XIRP2: variants seen among roughly 807,000 people sequenced by gnomAD.
The protein encoded by XIRP2 is xin actin-binding repeat-containing protein 2.
A neutral mutation model predicts 277.0 loss-of-function variants in XIRP2; 236 were observed. The observed-to-expected ratio is 0.85, with a 90% CI of 0.77 to 0.95. The LOEUF is 0.95. Ranked by LOEUF, XIRP2 falls within the 40% of genes least tolerant of loss-of-function variation. The pLI is 0.00. For synonymous variants in XIRP2, 1,490 were observed against 1,416.5 expected (o/e 1.05, Z -1.17); for missense variants, 4,640 against 4,157.5 (o/e 1.12, Z -3.19).
At chr2:167,109,795 T>C (rs1304609710) in intron 2 of XIRP2, among the ~76,000 whole-genome samples, 2 of 152,186 alleles carry the variant, frequency 1.3e-5, no homozygotes, top group African/African-American at 4.8e-5. Flanking sequence ...TCACCAGCAG[T>C]GTGTAAGCAT....
At chr2:167,159,010 G>T (rs1003381798) in intron 3 of XIRP2, among the ~76,000 whole-genome samples, 1 of 152,136 alleles carries the variant, frequency 6.6e-6, no homozygotes, top group East Asian at 1.9e-4. Flanking sequence ...AATGAATCTG[G>T]AAATAGGCCC....
At chr2:166,916,517 T>G (rs1252330660) in intron 2 of XIRP2, among the ~76,000 whole-genome samples, 1 of 152,014 alleles carries the variant, frequency 6.6e-6, no homozygotes, top group Non-Finnish European at 1.5e-5. Context: ...CTCTCAAAAA[T>G]ATATAGAAAA....
intron 5 of XIRP2, among the ~76,000 whole-genome samples, chr2:167,223,063 T>A (rs183744641): frequency 6.6e-6 from 1 of 152,312 alleles, no homozygotes; most frequent in African/African-American, 2.4e-5. Context: ...ACTTTCTTTG[T>A]GGCCACATTC....
At chr2:167,217,497 G>T (rs1003312241) in intron 4 of XIRP2, among the ~76,000 whole-genome samples, 2 of 151,972 alleles carry the variant, frequency 1.3e-5, no homozygotes, top group Non-Finnish European at 2.9e-5. Flanking sequence ...TGAAATTCCA[G>T]GGCCAGCACT....
intron 2 of XIRP2, among the ~76,000 whole-genome samples, chr2:167,087,536 C>T (rs1158645246): frequency 6.6e-6 from 1 of 152,196 alleles, no homozygotes; most frequent in Admixed American, 6.5e-5. Context: ...TGCCCCTCAC[C>T]CTGCCTCGCT....
At chr2:167,051,208 A>G (rs971252258) in intron 2 of XIRP2, among the ~76,000 whole-genome samples, 1 of 152,114 alleles carries the variant, frequency 6.6e-6, no homozygotes, top group Non-Finnish European at 1.5e-5. Context: ...CACACTAGAC[A>G]GAGACAATCA....
intron 3 of XIRP2, among the ~76,000 whole-genome samples, chr2:167,143,942 A>C (rs1370404718): frequency 6.6e-6 from 1 of 152,106 alleles, no homozygotes; most frequent in Non-Finnish European, 1.5e-5. Flanking sequence ...ATGTATTTTT[A>C]TTTTCAAGAG....
intron 4 of XIRP2, among the ~76,000 whole-genome samples, chr2:167,211,967 CAGAG>C (rs1426878429): frequency 6.6e-6 from 1 of 151,790 alleles, no homozygotes; most frequent in Non-Finnish European, 1.5e-5. Context: ...GAGAGGGAGA[CAGAG>C]AAAGAGAGAG....
chr2:166,972,742 T>C (rs1686613872), intron 2 of XIRP2, among the ~76,000 whole-genome samples: 1 of 152,192 alleles, frequency 6.6e-6, no homozygotes, highest in Non-Finnish European at 1.5e-5. Flanking sequence ...GGCACCCTTA[T>C]TGGGAGTAGA....
intron 3 of XIRP2, among the ~76,000 whole-genome samples, chr2:167,171,364 T>C (rs1296731238): frequency 6.6e-6 from 1 of 152,190 alleles, no homozygotes; most frequent in African/African-American, 2.4e-5. Context: ...TTGAAATGGG[T>C]TGTTTTATTT....
intron 2 of XIRP2, among the ~76,000 whole-genome samples, chr2:167,003,624 T>G (rs893101833): frequency 6.6e-6 from 1 of 151,848 alleles, no homozygotes; most frequent in African/African-American, 2.4e-5. Flanking sequence ...AAAATATTTT[T>G]GAGTAATTGG....
intron 2 of XIRP2, among the ~76,000 whole-genome samples, chr2:166,926,035 C>T (rs558339345): frequency 2.0e-5 from 3 of 152,046 alleles, no homozygotes; most frequent in African/African-American, 7.2e-5. Context: ...AATGGTGCTA[C>T]TGTACTGCAG....
chr2:166,907,762 C>G (rs574608186), intron 2 of XIRP2, among the ~76,000 whole-genome samples: 1 of 116,590 alleles, frequency 8.6e-6, no homozygotes, highest in Non-Finnish European at 1.7e-5. Flanking sequence ...ATCCCTCCCC[C>G]CCTCCCCCCA....
At chr2:167,024,724 G>A (rs1483209207) in intron 2 of XIRP2, among the ~76,000 whole-genome samples, 1 of 152,118 alleles carries the variant, frequency 6.6e-6, no homozygotes, top group East Asian at 1.9e-4. Context: ...TGTGGTTTTT[G>A]TCTTTGGTTC....
At position 167,259,258 on chromosome 2, in the gene XIRP2, T is replaced by TC; in HGVS notation, c.*1441_*1442insC. 1 of 1,613,392 alleles carries TC rather than the reference T, an allele frequency of 6.2e-7. No individual in the cohort carries two copies. The highest frequency in any genetic ancestry group is 8.5e-7 in the Non-Finnish European group (1 of 1,179,612). On this transcript the variant is annotated 3_prime_UTR_variant, in exon 11 of 11. Transcript: ENST00000409195. ...ACACAGGTTTTGATGCTCTGAGCCA[T>TC]GAATGTACAGCTAAGCCTTTGTTTC... is the stretch of plus-strand genomic sequence containing the variant.
Position 167,248,125 on chromosome 2 carries a change from G to C in XIRP2, c.6733G>C (p.Asp2245His). The change falls in exon 9 of 11, where the codon GAT (aspartate) becomes CAT (histidine). Residue 2245 changes from aspartate (D) to histidine (H), a missense_variant. By Grantham distance (81) the Asp-to-His change is moderately conservative. Coordinates refer to ENST00000409195, the MANE Select transcript of XIRP2 (RefSeq NM_152381.6). ...FKATNKKRET[D>H]VHLKSQDFLM... ...GGCAACCAACAAAAAGCGGGAGACT[G>C]ATGTTCACTTGAAAAGCCAGGACTT... 1.2e-6 allele frequency: 2 copies of C among 1,613,436 alleles called. No individual in the cohort carries two copies. The highest frequency in any genetic ancestry group is 2.2e-5 in the South Asian group (2 of 90,976).
intron 2 of XIRP2, among the ~76,000 whole-genome samples, chr2:167,007,298 A>T (rs1687528283): frequency 6.6e-6 from 1 of 151,734 alleles, no homozygotes; most frequent in Admixed American, 6.6e-5. Flanking sequence ...GGTGGAAAAG[A>T]ACAAAATATT....
At chr2:166,939,985 T>A (rs1437065418) in intron 2 of XIRP2, among the ~76,000 whole-genome samples, 1 of 152,192 alleles carries the variant, frequency 6.6e-6, no homozygotes. Flanking sequence ...TGAATTTGAA[T>A]GTTGGTCTGC....
chr2:167,051,063 T>C (rs1446825644), intron 2 of XIRP2, among the ~76,000 whole-genome samples: 1 of 152,034 alleles, frequency 6.6e-6, no homozygotes, highest in African/African-American at 2.4e-5. Flanking sequence ...CATCTAGTGC[T>C]CACCCCTTTT....
Sources: gnomAD v4.1 joint callset for allele counts (sites outside exome capture counted in the v4.1 genomes callset) on GRCh38, gnomAD v4.1.1 for gene constraint, MANE v1.5 for transcripts, NCBI Gene and HGNC (gene_info 2026-07-23, HGNC 2026-07-21) for gene names.